The following CYFIP1 variants were observed in gnomAD, a reference collection of about 807,000 sequenced individuals.
CYFIP1 encodes the protein cytoplasmic FMR1-interacting protein 1.
CYFIP1 carries 58 observed loss-of-function variants against 163.5 expected under a neutral mutation model. The observed-to-expected ratio is 0.35, with a 90% confidence interval of 0.29 to 0.44. CYFIP1 has a LOEUF of 0.44. Among genes scored for constraint, CYFIP1 ranks in the 20% least tolerant of loss-of-function variants. The pLI is 1.00. For missense variants in CYFIP1, 1,338 were observed against 1,653.8 expected (o/e 0.81, Z 3.31); for synonymous variants, 663 against 660.7 (o/e 1.00, Z -0.05).
chr15:22,899,129 C>T (rs1265635663), intron 22 of CYFIP1, among the ~76,000 whole-genome samples: 1 of 152,066 alleles, frequency 6.6e-6, no homozygotes, highest in Non-Finnish European at 1.5e-5. Flanking sequence ...TGAGCCACTG[C>T]ACCCAGCCAG....
At chr15:22,885,259 C>T (rs564380296) in intron 23 of CYFIP1, among the ~76,000 whole-genome samples, 4 of 152,266 alleles carry the variant, frequency 2.6e-5, no homozygotes, top group South Asian at 4.1e-4. Context: ...AATTTCAGAT[C>T]TCTCTCAAGT....
At chr15:22,970,805 G>C (rs1455436120) in intron 1 of CYFIP1, among the ~76,000 whole-genome samples, 1 of 152,174 alleles carries the variant, frequency 6.6e-6, no homozygotes, top group Non-Finnish European at 1.5e-5. Flanking sequence ...GGCCTGGCGT[G>C]GTGGCTCACT....
rs1482737791 is a variant in CYFIP1 at position 22,883,301 on chromosome 15, G to C, written c.2677-290C>G. 1.3e-5 allele frequency among the ~76,000 whole-genome samples: 2 copies of C among 152,144 alleles called. 1 individual carries two copies. The highest frequency in any genetic ancestry group is 1.3e-4 in the Admixed American group (2 of 15,276). ...GAAGTCTAGAATGAGAAATGAATAC[G>C]ACCCAGAGTTTCCCCCTGCCTCCCA... is the stretch of plus-strand genomic sequence containing the variant. On this transcript the variant is annotated intron_variant, in intron 23 of 30. Coordinates refer to ENST00000617928, the MANE Select transcript of CYFIP1 (RefSeq NM_014608.6).
In CYFIP1 at chr15:22,878,576, A is replaced by G. The variant is rs12050696; in HGVS notation, c.3042+1337T>C. Among the ~76,000 whole-genome samples the G allele has an allele frequency of 6.9e-4, 105 of 152,214 alleles. 1 individual carries two copies. In the East Asian group the frequency reaches 0.016, roughly 24 times the overall value. On this transcript the variant is annotated intron_variant, in intron 26 of 30. Coordinates refer to ENST00000617928, the MANE Select transcript of CYFIP1 (RefSeq NM_014608.6). ...CTTCCATGCAGAAGGCAAAGCTTCA[A>G]ATCTTTAGATGACAATGTAAAGGAA... is the stretch of plus-strand genomic sequence containing the variant.
At chr15:22,893,134 C>T (rs1291305069) in intron 22 of CYFIP1, among the ~76,000 whole-genome samples, 157 bp from the exon 23 acceptor site, 1 of 152,168 alleles carries the variant, frequency 6.6e-6, no homozygotes, top group Non-Finnish European at 1.5e-5. Context: ...AACCATAGAA[C>T]GAATGAGATC....
In CYFIP1 at chr15:22,927,934, G is replaced by C. The variant is rs763039703; in HGVS notation, c.1205C>G (p.Ser402Trp). The C allele has an allele frequency of 6.2e-7, 1 of 1,606,490 alleles. No individual in the cohort carries two copies. Among genetic ancestry groups the C allele is most frequent in the East Asian group, 2.3e-5 (1 of 44,110 alleles). Reference protein sequence around the residue: ...DLALQGLQLLSQWSAHVMEVY... With the variant: ...DLALQGLQLLWQWSAHVMEVY... ...TTCCATCACGTGCGCGCTCCACTGC[G>C]ACAACAGCTGCAGGCCCTGCAGCGC... is the stretch of plus-strand genomic sequence containing the variant. The change falls in exon 12 of 31, where the codon TCG (serine) becomes TGG (tryptophan). Residue 402 changes from serine (S) to tryptophan (W), a missense_variant. Ser to Trp is a radical substitution (Grantham distance 177). Around this residue, in one of 4 missense-constraint regions of CYFIP1, gnomAD observed 824 missense variants for 995.7 expected, o/e 0.83. Transcript: ENST00000617928.
chr15:22,948,257 G>A (rs1217602783), intron 1 of CYFIP1, among the ~76,000 whole-genome samples: 2 of 152,116 alleles, frequency 1.3e-5, no homozygotes, highest in Non-Finnish European at 2.9e-5. Context: ...AATTGCTCAT[G>A]AGCTTCAAGC....
intron 1 of CYFIP1, among the ~76,000 whole-genome samples, chr15:22,977,139 C>A (rs1204136576): frequency 6.6e-6 from 1 of 151,642 alleles, no homozygotes; most frequent in Middle Eastern, 3.4e-3. Context: ...GCAGAGGTTG[C>A]GGTGGGCCGA....
Position 22,927,931 on chromosome 15 carries a change from T to G in CYFIP1, c.1208A>C (p.Gln403Pro), listed in dbSNP as rs1402954385. The change falls in exon 12 of 31, where the codon CAG (glutamine) becomes CCG (proline). Residue 403 changes from glutamine to proline, a missense_variant. This residue lies in a region of CYFIP1 where 824 missense variants were observed against 995.7 expected (regional missense o/e 0.83). Coordinates refer to ENST00000617928, the MANE Select transcript of CYFIP1 (RefSeq NM_014608.6). ...CACTTCCATCACGTGCGCGCTCCAC[T>G]GCGACAACAGCTGCAGGCCCTGCAG... ...LALQGLQLLS[Q>P]WSAHVMEVYS... 4 of 1,606,734 alleles carry G rather than the reference T, an allele frequency of 2.5e-6. No individual in the cohort carries two copies. Among genetic ancestry groups the G allele is most frequent in the Non-Finnish European group, 3.4e-6 (4 of 1,178,132 alleles).
intron 28 of CYFIP1, 119 bp from the exon 29 acceptor site, chr15:22,873,848 G>A (rs774836448): frequency 1.6e-5 from 14 of 899,118 alleles, no homozygotes; most frequent in African/African-American, 3.3e-5. Context: ...CTGGAGTGCA[G>A]TGGCACAATC....
intron 1 of CYFIP1, among the ~76,000 whole-genome samples, chr15:22,948,634 G>C (rs1439076424): frequency 6.6e-6 from 1 of 152,054 alleles, no homozygotes; most frequent in Non-Finnish European, 1.5e-5. Context: ...AAATAACACA[G>C]GTGCTGCAAT....
intron 10 of CYFIP1, among the ~76,000 whole-genome samples, chr15:22,933,384 T>C (rs1051588793): frequency 1.6e-4 from 25 of 151,584 alleles, no homozygotes; most frequent in Non-Finnish European, 1.3e-4. Context: ...GCGCGATCTC[T>C]GCTCACTGCA....
chr15:22,948,940 T>A (rs1276517725), intron 1 of CYFIP1, among the ~76,000 whole-genome samples: 1 of 151,256 alleles, frequency 6.6e-6, no homozygotes, highest in African/African-American at 2.4e-5. Flanking sequence ...AGAGAGAAGG[T>A]CTAACATCTG....
At chr15:22,935,648 T>C (rs1276476063) in intron 9 of CYFIP1, among the ~76,000 whole-genome samples, 1 of 151,932 alleles carries the variant, frequency 6.6e-6, no homozygotes, top group African/African-American at 2.4e-5. Context: ...GGGAATATAC[T>C]GGTCAAAGCG....
rs1566972319 is a variant in CYFIP1, at chr15:22,918,986, C to A, written c.1360-128G>T. The A allele has an allele frequency of 8.5e-6, 6 of 703,774 alleles. No homozygotes were observed. The East Asian group carries it at 1.6e-4, about 19-fold the overall frequency. 43.6% of individuals were successfully genotyped at this position (703,774 alleles called of 1,614,324 possible). On this transcript the variant is annotated intron_variant, in intron 13 of 30. Coordinates refer to ENST00000617928, the MANE Select transcript of CYFIP1 (RefSeq NM_014608.6). ...TACGCCCTCCCGCGTTCGTGCCCTG[C>A]AGCTGCCCTGCCCCAAAACGTCTTC...
intron 26 of CYFIP1, among the ~76,000 whole-genome samples, chr15:22,878,708 A>G: frequency 6.6e-6 from 1 of 152,164 alleles, no homozygotes; most frequent in East Asian, 1.9e-4. Flanking sequence ...ATTAAAAAAA[A>G]AAAGGCTACA....
intron 1 of CYFIP1, among the ~76,000 whole-genome samples, chr15:22,957,657 C>CT (rs2062523959): frequency 6.6e-6 from 1 of 152,158 alleles, no homozygotes; most frequent in Non-Finnish European, 1.5e-5. Flanking sequence ...AATGTTACAA[C>CT]TTGTAAGCAT....
intron 1 of CYFIP1, among the ~76,000 whole-genome samples, chr15:22,968,063 G>A (rs1310897481): frequency 6.6e-6 from 1 of 152,194 alleles, no homozygotes; most frequent in East Asian, 1.9e-4. Context: ...TTGAACCAGG[G>A]AGGTGGAGGT....
At position 22,882,966 on chromosome 15, in the gene CYFIP1, A is replaced by G; in HGVS notation, c.2722T>C (p.Phe908Leu). The G allele has an allele frequency of 6.2e-7, 1 of 1,614,048 alleles. No homozygotes were observed. The highest frequency in any genetic ancestry group is 8.5e-7 in the Non-Finnish European group (1 of 1,179,936). Reference protein sequence around the residue: ...YSSIYGSYRNFVGPPHFQVIC... With the variant: ...YSSIYGSYRNLVGPPHFQVIC... ...ACTTGAAAGTGTGGAGGTCCCACGA[A>G]GTTCCGGTAGCTGCCGTAAATGCTG... The change falls in exon 24 of 31, where the codon TTC (phenylalanine) becomes CTC (leucine). Residue 908 changes from phenylalanine to leucine, a missense_variant. Phe to Leu is a conservative substitution (Grantham distance 22, BLOSUM62 0). This residue lies in a region of CYFIP1 where 824 missense variants were observed against 995.7 expected (regional missense o/e 0.83). Coordinates refer to ENST00000617928, the MANE Select transcript of CYFIP1 (RefSeq NM_014608.6).
Sources: gnomAD v4.1 joint callset for allele counts (sites outside exome capture counted in the v4.1 genomes callset) on GRCh38, gnomAD v4.1.1 for gene constraint, gnomAD v4.1.1 regional missense constraint, MANE v1.5 for transcripts, NCBI Gene and HGNC (gene_info 2026-07-23, HGNC 2026-07-21) for gene names.